Variants in MAPK8IP3 observed in about 807,000 individuals in gnomAD.
MAPK8IP3 encodes the protein C-Jun-amino-terminal kinase-interacting protein 3.
A neutral mutation model predicts 157.8 loss-of-function variants in MAPK8IP3; 49 were observed. That is an observed-to-expected ratio of 0.31 (90% CI 0.25 to 0.39). The LOEUF (loss-of-function observed/expected upper bound fraction) is 0.39. Ranked by LOEUF, MAPK8IP3 falls within the 10% of genes least tolerant of loss-of-function variation. The pLI is 1.00. For synonymous variants in MAPK8IP3, 897 were observed against 777.7 expected, an observed-to-expected ratio of 1.15 and a Z score of -2.55; for missense variants, 1,478 against 1,889.4, an observed-to-expected ratio of 0.78 and a Z score of 4.04.
intron 2 of MAPK8IP3, 150 bp from the exon 3 acceptor site, chr16:1,728,988 G>A (rs1209466711): frequency 1.1e-5 from 8 of 715,622 alleles, no homozygotes; most frequent in South Asian, 1.6e-5. Context: ...TCTCCCAGAC[G>A]GCCTTGCACT....
intron 8 of MAPK8IP3, among the ~76,000 whole-genome samples, chr16:1,753,588 C>T (rs182152471): frequency 0.018 from 2,681 of 151,956 alleles, 35 homozygotes; most frequent in Non-Finnish European, 0.025. Context: ...CTACAGGTGC[C>T]TGCCACCATG....
intron 27 of MAPK8IP3, 24 bp from the exon 28 acceptor site, chr16:1,767,781 C>T (rs1334754505): frequency 1.2e-6 from 2 of 1,611,360 alleles, no homozygotes; most frequent in East Asian, 4.5e-5. Context: ...CAAGGCCAGC[C>T]ACCCTGACCG....
chr16:1,763,825 G>A (rs2042094436), intron 17 of MAPK8IP3, 42 bp downstream of exon 17: 1 of 1,397,692 alleles, frequency 7.2e-7, no homozygotes. Flanking sequence ...GCCCCGCAGA[G>A]GCGGGGCGGG....
chr16:1,712,550 C>T (rs1041297483), intron 1 of MAPK8IP3, among the ~76,000 whole-genome samples: 1 of 152,132 alleles, frequency 6.6e-6, no homozygotes, highest in African/African-American at 2.4e-5. Flanking sequence ...GCTGATTGCT[C>T]TCCTGGGGCA....
chr16:1,733,791 C>T (rs775426418), intron 4 of MAPK8IP3, among the ~76,000 whole-genome samples: 2 of 152,238 alleles, frequency 1.3e-5, no homozygotes, highest in African/African-American at 2.4e-5. Flanking sequence ...GGGAACCAGA[C>T]GGTGCCCTCT....
In MAPK8IP3 at chr16:1,769,015, G is replaced by T; in HGVS notation, c.*191G>T. 1.5e-6 allele frequency: 1 copy of T among 663,818 alleles called. No individual in the cohort carries two copies. Among genetic ancestry groups the T allele is most frequent in the Non-Finnish European group, 2.5e-6 (1 of 394,936 alleles). 41.1% of individuals were successfully genotyped at this position (663,818 alleles called of 1,614,324 possible). ...CGGATCAGCTGGGAGGAGGAGGGGAGGGGAACTTCCACCCGAGGGGAAGAT... is the reference window on the plus strand; with the variant it reads ...CGGATCAGCTGGGAGGAGGAGGGGATGGGAACTTCCACCCGAGGGGAAGAT... On this transcript the variant is annotated 3_prime_UTR_variant, in exon 32 of 32. Coordinates refer to ENST00000610761, the MANE Select transcript of MAPK8IP3 (RefSeq NM_001318852.2).
chr16:1,758,297 G>A (rs751159692), intron 9 of MAPK8IP3, 138 bp downstream of exon 9: 85 of 923,954 alleles, frequency 9.2e-5, no homozygotes, highest in East Asian at 1.6e-4. Flanking sequence ...GCTTCTGCTC[G>A]CAGCCACCGC....
intron 4 of MAPK8IP3, among the ~76,000 whole-genome samples, chr16:1,734,816 C>T (rs532271475): frequency 1.4e-4 from 21 of 152,400 alleles, no homozygotes; most frequent in Non-Finnish European, 2.2e-4. Context: ...CCATCCTCAG[C>T]GCTGGGCGCC....
Position 1,743,785 on chromosome 16 carries a change from T to A in MAPK8IP3, c.747+309T>A, listed in dbSNP as rs2040815489. 9 of 1,267,910 alleles carry A rather than the reference T, an allele frequency of 7.1e-6. No homozygotes were observed. The highest frequency in any genetic ancestry group is 3.0e-4 in the Middle Eastern group (1 of 3,354). 78.5% of individuals were successfully genotyped at this position (1,267,910 alleles called of 1,614,324 possible). A position where few individuals can be genotyped will look rare whatever the true frequency, so the allele number is the denominator to read the frequency against. On this transcript the variant is annotated intron_variant, in intron 5 of 31. Transcript: ENST00000610761. The surrounding 1 kb of genome is among the most constrained non-coding windows in gnomAD (Gnocchi z 5.6). The stretch of plus-strand genomic sequence containing the variant: ...TGTACAGTGCCTGTCAGGGTTGAGC[T>A]TAGTGATCCTCTCTCAAACCACACC...
chr16:1,714,251 C>T (rs903322195), intron 1 of MAPK8IP3: 7 of 147,074 alleles, frequency 4.8e-5, no homozygotes, highest in African/African-American at 1.6e-4. Flanking sequence ...TTTGTAAGCC[C>T]GCTCACCCCG....
intron 27 of MAPK8IP3, 33 bp downstream of exon 27, chr16:1,767,768 G>T: frequency 2.5e-6 from 4 of 1,611,512 alleles, no homozygotes; most frequent in Non-Finnish European, 3.4e-6. Context: ...GTGGTGGGGT[G>T]CTCAAGGCCA....
intron 12 of MAPK8IP3, among the ~76,000 whole-genome samples, chr16:1,760,793 T>C (rs2041887134): frequency 6.6e-6 from 1 of 152,142 alleles, no homozygotes; most frequent in Non-Finnish European, 1.5e-5. Flanking sequence ...CTCCAGCCCT[T>C]TGATCAGCCA....
Position 1,768,651 on chromosome 16 carries a change from TGAG to T in MAPK8IP3, c.3892+27_3892+29del, listed in dbSNP as rs1183868052. The T allele has an allele frequency of 3.1e-6, 5 of 1,610,698 alleles. No homozygotes were observed. In the Admixed American group the frequency reaches 5.0e-5, roughly 16 times the overall value. On this transcript the variant is annotated intron_variant, in intron 31 of 31. Coordinates refer to ENST00000610761, the MANE Select transcript of MAPK8IP3 (RefSeq NM_001318852.2). Reference sequence around the variant, plus strand: ...GGTGAGCGGGGCCCAGGGACAGGGCTGAGGTTGGGCGCGGGGGGAGCCTGGCCG... The same window carrying T: ...GGTGAGCGGGGCCCAGGGACAGGGCTGTTGGGCGCGGGGGGAGCCTGGCCG...
At chr16:1,748,146 C>T (rs1481703102) in intron 6 of MAPK8IP3, 98 bp from the exon 7 acceptor site, 1 of 879,550 alleles carries the variant, frequency 1.1e-6, no homozygotes, top group African/African-American at 1.6e-5. Flanking sequence ...GGTGGTCCAG[C>T]TCCAGCCCAC....
chr16:1,715,526 TTAAGA>T (rs1323848361), intron 1 of MAPK8IP3, among the ~76,000 whole-genome samples: 4 of 152,306 alleles, frequency 2.6e-5, no homozygotes, highest in Non-Finnish European at 5.9e-5. Context: ...GTCTGCCTGC[TTAAGA>T]TAAAAGACCA....
chr16:1,727,636 G>C (rs1223019160), intron 2 of MAPK8IP3, among the ~76,000 whole-genome samples: 1 of 152,106 alleles, frequency 6.6e-6, no homozygotes, highest in Non-Finnish European at 1.5e-5. Flanking sequence ...TGCTGTATCT[G>C]AGTCACGCGT....
In MAPK8IP3 at chr16:1,724,057, G is replaced by C. The variant is rs148417656; in HGVS notation, c.319-500G>C. On this transcript the variant is annotated intron_variant, in intron 1 of 31. Transcript: ENST00000610761. This position sits in a 1 kb window ranked among gnomAD's most constrained non-coding sequence, Gnocchi z 4.1. ...AGTAGGCTCAACCTTGTTCTTAGGC[G>C]TGGAGTTGAGGGGAGTCAGATGACT... Among the ~76,000 whole-genome samples the C allele has an allele frequency of 1.3e-5, 2 of 152,320 alleles. No individual in the cohort carries two copies. Among genetic ancestry groups the C allele is most frequent in the African/African-American group, 4.8e-5 (2 of 41,570 alleles).
intron 20 of MAPK8IP3, 110 bp from the exon 21 acceptor site, chr16:1,765,850 G>A: frequency 2.0e-6 from 2 of 1,022,872 alleles, no homozygotes; most frequent in South Asian, 1.5e-5. Context: ...TGGGTCTGCT[G>A]GGAAAGTGGA....
In MAPK8IP3 at chr16:1,706,841, C is replaced by T. The variant is rs952836618; in HGVS notation, c.318+184C>T. 6.8e-6 allele frequency among the ~76,000 whole-genome samples: 1 copy of T among 147,860 alleles called. No homozygotes were observed. Among genetic ancestry groups the T allele is most frequent in the Non-Finnish European group, 1.5e-5 (1 of 66,434 alleles). Reference sequence around the variant, plus strand: ...CCATATCCCCCGCCCCGGGACTTCCCCACCCCCTCTGCCCGCCGTGAGACA... The same window carrying T: ...CCATATCCCCCGCCCCGGGACTTCCTCACCCCCTCTGCCCGCCGTGAGACA... On this transcript the variant is annotated intron_variant, in intron 1 of 31. Coordinates refer to ENST00000610761, the MANE Select transcript of MAPK8IP3 (RefSeq NM_001318852.2). The surrounding 1 kb of genome is among the most constrained non-coding windows in gnomAD (Gnocchi z 5.1).
Sources: gnomAD v4.1 joint callset for allele counts (sites outside exome capture counted in the v4.1 genomes callset) on GRCh38, gnomAD v4.1.1 for gene constraint, Gnocchi (gnomAD v3.1) non-coding constraint, MANE v1.5 for transcripts, NCBI Gene and HGNC (gene_info 2026-07-23, HGNC 2026-07-21) for gene names.